The following IGF2BP3 variants were observed in gnomAD, a reference collection of about 807,000 sequenced individuals.
The protein encoded by IGF2BP3 is insulin-like growth factor 2 mRNA-binding protein 3.
In IGF2BP3, 9 loss-of-function variants were observed where a neutral mutation model predicts 73.8. That is an observed-to-expected ratio of 0.12 (90% CI 0.07 to 0.21). The LOEUF (loss-of-function observed/expected upper bound fraction) is 0.21. IGF2BP3 is among the 10% of genes least tolerant of loss of function. IGF2BP3 has a pLI of 1.00. For missense variants in IGF2BP3, 542 were observed against 714.0 expected (o/e 0.76, Z 2.75); for synonymous variants, 258 against 256.7 (o/e 1.01, Z -0.05).
chr7:23,419,619 A>C (rs909478106), intron 2 of IGF2BP3, among the ~76,000 whole-genome samples: 3 of 152,220 alleles, frequency 2.0e-5, no homozygotes, highest in Admixed American at 2.0e-4. Flanking sequence ...TGGGTGGCCA[A>C]GGCAGGTGGA....
chr7:23,339,130 G>A (rs569940987), intron 10 of IGF2BP3, among the ~76,000 whole-genome samples: 54 of 152,328 alleles, frequency 3.5e-4, no homozygotes, highest in African/African-American at 1.3e-3. Flanking sequence ...TGCAACTTCT[G>A]TTCTCATTTG....
chr7:23,341,911 T>C lies in IGF2BP3; in HGVS notation c.1203+153A>G, dbSNP rs370766809. Reference sequence around the variant, plus strand: ...CCGCTATCCAAAAACTGCAAAATAATCCCATGTCTACTCCACAAAGGGCCA... The same window carrying C: ...CCGCTATCCAAAAACTGCAAAATAACCCCATGTCTACTCCACAAAGGGCCA... On this transcript the variant is annotated intron_variant, in intron 10 of 14. Transcript: ENST00000258729. Among the ~76,000 whole-genome samples the C allele has an allele frequency of 5.3e-5, 8 of 152,218 alleles. 1 individual carries two copies. The highest frequency in any genetic ancestry group is 4.6e-4 in the Admixed American group (7 of 15,288).
At chr7:23,412,432 G>A (rs991420263) in intron 3 of IGF2BP3, among the ~76,000 whole-genome samples, 22 of 152,206 alleles carry the variant, frequency 1.4e-4, no homozygotes, top group African/African-American at 4.8e-4. Context: ...GAATTTTCTA[G>A]CAAGACTGTG....
intron 10 of IGF2BP3, among the ~76,000 whole-genome samples, chr7:23,332,265 C>A (rs1784464232): frequency 6.6e-6 from 1 of 152,128 alleles, no homozygotes; most frequent in Admixed American, 6.5e-5. Flanking sequence ...TAAGAGTTAA[C>A]CCAAAATTCA....
Position 23,367,131 on chromosome 7 carries a change from A to T in IGF2BP3, c.286-5390T>A, listed in dbSNP as rs140343737. On this transcript the variant is annotated intron_variant, in intron 3 of 14. Transcript: ENST00000258729. ...GTAGCTGGGATTACATGCATGTGCCACCACGCCTGGCTACTTTTTGTATTA... is the reference window on the plus strand; with the variant it reads ...GTAGCTGGGATTACATGCATGTGCCTCCACGCCTGGCTACTTTTTGTATTA... Among the ~76,000 whole-genome samples the T allele has an allele frequency of 2.6e-3, 400 of 151,856 alleles. 2 individuals carry two copies. Among genetic ancestry groups the T allele is most frequent in the African/African-American group, 8.8e-3 (365 of 41,414 alleles).
chr7:23,381,871 C>T (rs1006281298), intron 3 of IGF2BP3, among the ~76,000 whole-genome samples: 1 of 152,070 alleles, frequency 6.6e-6, no homozygotes, highest in African/African-American at 2.4e-5. Context: ...ATGCACCCGG[C>T]CTTAAAACTT....
chr7:23,354,968 C>T (rs1385803402), intron 5 of IGF2BP3, among the ~76,000 whole-genome samples: 2 of 152,160 alleles, frequency 1.3e-5, no homozygotes, highest in African/African-American at 2.4e-5. Flanking sequence ...ATTGCAGCTC[C>T]TAAATTACTG....
rs564860719 is a variant in IGF2BP3 at position 23,338,965 on chromosome 7, A to G, written c.1203+3099T>C. On this transcript the variant is annotated intron_variant, in intron 10 of 14. Transcript: ENST00000258729. ...GGAACACATGTAGAATAAAATATCC[A>G]CTGGAATTCTGCAAAGAACACAGAT... 3.0e-4 allele frequency among the ~76,000 whole-genome samples: 46 copies of G among 152,388 alleles called. No homozygotes were observed. The South Asian group carries it at 6.6e-3, about 22-fold the overall frequency.
chr7:23,321,041 T>G (rs1000815098), intron 10 of IGF2BP3, among the ~76,000 whole-genome samples: 1 of 151,270 alleles, frequency 6.6e-6, no homozygotes, highest in Admixed American at 6.6e-5. Flanking sequence ...CTAGAAATAT[T>G]AGAAGATATT....
intron 3 of IGF2BP3, chr7:23,362,675 G>A (rs976966968): frequency 6.6e-6 from 1 of 152,184 alleles, no homozygotes; most frequent in Non-Finnish European, 1.5e-5. Context: ...GCTTCTAAGA[G>A]CTATAGCAAA....
chr7:23,462,538 A>G (rs1788474935), intron 2 of IGF2BP3, among the ~76,000 whole-genome samples: 1 of 151,852 alleles, frequency 6.6e-6, no homozygotes, highest in South Asian at 2.1e-4. Context: ...ATTTTTTTGT[A>G]TTTTTAGTAG....
intron 2 of IGF2BP3, among the ~76,000 whole-genome samples, chr7:23,451,636 C>T (rs1287249438): frequency 6.6e-6 from 1 of 152,032 alleles, no homozygotes; most frequent in Admixed American, 6.6e-5. Flanking sequence ...CTTATAACTG[C>T]TACAAAATAT....
intron 10 of IGF2BP3, among the ~76,000 whole-genome samples, chr7:23,325,737 G>A (rs570771331): frequency 2.2e-4 from 33 of 152,198 alleles, no homozygotes; most frequent in African/African-American, 7.9e-4. Flanking sequence ...ATAGATCAAT[G>A]GAACAGAACA....
At chr7:23,372,558 G>A (rs1562708447) in intron 3 of IGF2BP3, among the ~76,000 whole-genome samples, 1 of 152,054 alleles carries the variant, frequency 6.6e-6, no homozygotes, top group African/African-American at 2.4e-5. Context: ...TCCCACTTAT[G>A]AGTGAGAGCA....
chr7:23,361,428 T>C, intron 5 of IGF2BP3, 106 bp downstream of exon 5: 2 of 842,388 alleles, frequency 2.4e-6, no homozygotes, highest in Non-Finnish European at 3.8e-6. Flanking sequence ...TAAAATAAAG[T>C]TTCTCTCTGC....
At chr7:23,438,307 T>C (rs1252593838) in intron 2 of IGF2BP3, among the ~76,000 whole-genome samples, 1 of 152,098 alleles carries the variant, frequency 6.6e-6, no homozygotes, top group East Asian at 1.9e-4. Context: ...AAAGACGAGG[T>C]TTCTCCATGT....
intron 2 of IGF2BP3, among the ~76,000 whole-genome samples, chr7:23,426,267 C>T (rs1787506835): frequency 7.4e-6 from 1 of 134,732 alleles, no homozygotes; most frequent in Admixed American, 8.6e-5. Context: ...CTGCAGCAAG[C>T]TGAGACCGTG....
At chr7:23,389,164 T>C (rs1306219774) in intron 3 of IGF2BP3, among the ~76,000 whole-genome samples, 1 of 149,762 alleles carries the variant, frequency 6.7e-6, no homozygotes, top group African/African-American at 2.4e-5. Context: ...TTCCCTTTTT[T>C]TTTTTTTTTT....
intron 3 of IGF2BP3, among the ~76,000 whole-genome samples, chr7:23,401,110 G>A (rs1268506324): frequency 1.3e-5 from 2 of 152,128 alleles, no homozygotes; most frequent in African/African-American, 4.8e-5. Flanking sequence ...AACCCTAATT[G>A]TTAAACCATG....
Sources: allele counts gnomAD v4.1 joint callset (sites outside exome capture counted in the v4.1 genomes callset), GRCh38; gene constraint gnomAD v4.1.1; transcripts MANE v1.5; gene names NCBI Gene and HGNC (gene_info 2026-07-23, HGNC 2026-07-21).